TNFAIP8: variants seen among roughly 807,000 people sequenced by gnomAD.
TNFAIP8 encodes TNF alpha induced protein 8, also known as tumor necrosis factor alpha-induced protein 8.
In TNFAIP8, 7 loss-of-function variants were observed where a neutral mutation model predicts 13.3. That is an observed-to-expected ratio of 0.52 (90% CI 0.30 to 0.99). The LOEUF is 0.99. Ranked by LOEUF, TNFAIP8 falls within the 50% of genes least tolerant of loss-of-function variation. The probability of loss-of-function intolerance (pLI) is 0.07; values close to 1 mark genes in which losing one functional copy is unlikely to be tolerated. For missense variants in TNFAIP8, 258 were observed against 236.9 expected, an observed-to-expected ratio of 1.09 and a Z score of -0.58; for synonymous variants, 94 against 87.6, an observed-to-expected ratio of 1.07 and a Z score of -0.41.
intron 1 of TNFAIP8, among the ~76,000 whole-genome samples, chr5:119,383,929 G>T (rs1482516184): frequency 6.6e-6 from 1 of 152,102 alleles, no homozygotes; most frequent in Non-Finnish European, 1.5e-5. Flanking sequence ...AGGGAGACCT[G>T]GTCCCTTTCT....
intron 1 of TNFAIP8, among the ~76,000 whole-genome samples, chr5:119,336,686 AT>A (rs1443678974): frequency 6.6e-6 from 1 of 152,170 alleles, no homozygotes; most frequent in African/African-American, 2.4e-5. Context: ...ATTTGCATTC[AT>A]TTTTAAGCTA....
intron 1 of TNFAIP8, among the ~76,000 whole-genome samples, chr5:119,373,601 G>A (rs1485347784): frequency 2.6e-5 from 4 of 152,190 alleles, no homozygotes; most frequent in Non-Finnish European, 5.9e-5. Flanking sequence ...TTTCAGAAGG[G>A]CTGTCTGTGG....
intron 1 of TNFAIP8, among the ~76,000 whole-genome samples, chr5:119,300,005 C>T (rs1329169713): frequency 3.9e-5 from 6 of 152,230 alleles, no homozygotes; most frequent in Non-Finnish European, 5.9e-5. Context: ...TTCCAGGTGC[C>T]GTCTGTCACC....
chr5:119,343,108 T>C (rs1008271960), intron 1 of TNFAIP8, among the ~76,000 whole-genome samples: 2 of 152,228 alleles, frequency 1.3e-5, no homozygotes, highest in African/African-American at 2.4e-5. Context: ...ATCCATCTTA[T>C]TAATAGTTCC....
chr5:119,305,243 A>G (rs1323206364), intron 1 of TNFAIP8, among the ~76,000 whole-genome samples: 2 of 152,228 alleles, frequency 1.3e-5, no homozygotes, highest in East Asian at 1.9e-4. Flanking sequence ...TCCCTCAAAA[A>G]TGAACTGATT....
intron 1 of TNFAIP8, among the ~76,000 whole-genome samples, chr5:119,346,881 G>A (rs894272243): frequency 2.0e-5 from 3 of 152,160 alleles, no homozygotes; most frequent in Non-Finnish European, 2.9e-5. Context: ...AGCAACTCTT[G>A]ACCGCATCAC....
In TNFAIP8 at chr5:119,398,354, TC is replaced by T. The variant is rs1371745555; in HGVS notation, c.*4975del. The T allele has an allele frequency of 6.6e-6, 1 of 152,214 alleles. No individual in the cohort carries two copies. Among genetic ancestry groups the T allele is most frequent in the Non-Finnish European group, 1.5e-5 (1 of 68,032 alleles). 9.4% of individuals were successfully genotyped at this position (152,214 alleles called of 1,614,324 possible). On this transcript the variant is annotated 3_prime_UTR_variant, in exon 2 of 2. Coordinates refer to ENST00000504771, the MANE Select transcript of TNFAIP8 (RefSeq NM_014350.4). ...ATATGTTTCTTTCTACTTTGGTTTT[TC>T]CATTCAAAAGCTTACAGATGAATTC...
At chr5:119,279,441 A>G (rs961867983) in intron 1 of TNFAIP8, among the ~76,000 whole-genome samples, 1 of 152,204 alleles carries the variant, frequency 6.6e-6, no homozygotes, top group Non-Finnish European at 1.5e-5. Flanking sequence ...TGGTGTGCAG[A>G]GCTGGTCATG....
At position 119,273,154 on chromosome 5, in the gene TNFAIP8, C is replaced by A. The variant is rs76647330; in HGVS notation, c.1+4247C>A. 4.2e-3 allele frequency among the ~76,000 whole-genome samples: 646 copies of A among 152,336 alleles called. 5 individuals are homozygous for A. Among genetic ancestry groups the A allele is most frequent in the African/African-American group, 0.015 (626 of 41,566 alleles). On this transcript the variant is annotated intron_variant, in intron 1 of 1. Coordinates refer to the TNFAIP8 transcript ENST00000274456. Reference sequence around the variant, plus strand: ...GGCTTTGGACAATCTACTTAGCTCTCTGAGCCTGTTTCTTCACCAGAGTAA... The same window carrying A: ...GGCTTTGGACAATCTACTTAGCTCTATGAGCCTGTTTCTTCACCAGAGTAA...
intron 1 of TNFAIP8, among the ~76,000 whole-genome samples, chr5:119,370,342 A>G (rs1014771139): frequency 2.0e-5 from 3 of 152,246 alleles, no homozygotes; most frequent in African/African-American, 7.2e-5. Flanking sequence ...GAATCCACAC[A>G]TAAAACTCTT....
chr5:119,356,285 C>A (rs576031402), intron 1 of TNFAIP8, among the ~76,000 whole-genome samples, 164 bp downstream of exon 1: 12 of 152,300 alleles, frequency 7.9e-5, no homozygotes, highest in Admixed American at 6.5e-4. Flanking sequence ...GAGCCCGGGT[C>A]TCATCTTGGG....
intron 1 of TNFAIP8, among the ~76,000 whole-genome samples, chr5:119,327,719 A>G (rs1750263741): frequency 6.6e-6 from 1 of 152,232 alleles, no homozygotes; most frequent in South Asian, 2.1e-4. Flanking sequence ...TCAGCCTCCC[A>G]AAGTGCTGGG....
chr5:119,294,242 C>T lies in TNFAIP8; in HGVS notation c.1+25335C>T, dbSNP rs544338556. Reference sequence around the variant, plus strand: ...CCCCAGAGTGTGATGTTCCCCTTCCCGTGTCCATGTGTTCTCATTGTTCAA... The same window carrying T: ...CCCCAGAGTGTGATGTTCCCCTTCCTGTGTCCATGTGTTCTCATTGTTCAA... On this transcript the variant is annotated intron_variant, in intron 1 of 1. Coordinates refer to the TNFAIP8 transcript ENST00000274456. Among the ~76,000 whole-genome samples the T allele has an allele frequency of 3.3e-5, 5 of 149,676 alleles. No homozygotes were observed. In the East Asian group the frequency reaches 5.9e-4, roughly 18 times the overall value.
In TNFAIP8 at chr5:119,397,119, A is replaced by T. The variant is rs886583396; in HGVS notation, c.*3738A>T. 8.3e-6 allele frequency: 1 copy of T among 120,846 alleles called. No individual in the cohort carries two copies. The highest frequency in any genetic ancestry group is 1.9e-5 in the Non-Finnish European group (1 of 52,786). The allele number at this position is 120,846 out of a possible 1,614,324, so 7.5% of individuals were successfully genotyped here. A position where few individuals can be genotyped will look rare whatever the true frequency, so the allele number is the denominator to read the frequency against. ...TCTGGAAAGTTCTTTTTCTCCCACCATGTGAATACACACACACACACACAC... is the reference window on the plus strand; with the variant it reads ...TCTGGAAAGTTCTTTTTCTCCCACCTTGTGAATACACACACACACACACAC... On this transcript the variant is annotated 3_prime_UTR_variant, in exon 2 of 2. Transcript: ENST00000504771.
intron 1 of TNFAIP8, among the ~76,000 whole-genome samples, chr5:119,334,033 T>C (rs1750467318): frequency 6.6e-6 from 1 of 152,042 alleles, no homozygotes; most frequent in Non-Finnish European, 1.5e-5. Context: ...AGTGGTCTGG[T>C]AGCAGTGGTA....
At chr5:119,376,668 A>C (rs893793361) in intron 1 of TNFAIP8, among the ~76,000 whole-genome samples, 2 of 152,050 alleles carry the variant, frequency 1.3e-5, no homozygotes, top group Admixed American at 1.3e-4. Context: ...ATAAACAATA[A>C]ATTGTAACCA....
chr5:119,341,009 C>T (rs1164960175), intron 1 of TNFAIP8, among the ~76,000 whole-genome samples: 1 of 151,068 alleles, frequency 6.6e-6, no homozygotes, highest in South Asian at 2.1e-4. Flanking sequence ...GCAGGTACTT[C>T]TGTTATAAAG....
At chr5:119,351,788 C>CTTTTTTTTTTTTTTTTTTTTTTTTTTT (rs1177061965), upstream of TNFAIP8, among the ~76,000 whole-genome samples, 7 of 138,234 alleles carry the variant, frequency 5.1e-5, no homozygotes, top group Admixed American at 7.1e-5. Context: ...TTTTCTTTTT[C>CTTTTTTTTTTTTTTTTTTTTTTTTTTT]TTTTTTTCTT....
At chr5:119,372,789 ATC>A (rs2112817282) in intron 1 of TNFAIP8, among the ~76,000 whole-genome samples, 1 of 152,232 alleles carries the variant, frequency 6.6e-6, no homozygotes, top group African/African-American at 2.4e-5. Context: ...GTGAAACCCC[ATC>A]TCTCCTAAAA....
Sources: gnomAD v4.1 joint callset for allele counts (sites outside exome capture counted in the v4.1 genomes callset) on GRCh38, gnomAD v4.1.1 for gene constraint, MANE v1.5 for transcripts, NCBI Gene and HGNC (gene_info 2026-07-23, HGNC 2026-07-21) for gene names.